The following ZNF536 variants were observed in gnomAD, a reference collection of about 807,000 sequenced individuals.
The protein encoded by ZNF536 is zinc finger protein 536.
ZNF536 carries 13 observed loss-of-function variants against 84.5 expected under a neutral mutation model. The ratio of observed to expected loss-of-function variants is 0.15; its 90% CI spans 0.10 to 0.24. The LOEUF (loss-of-function observed/expected upper bound fraction) is 0.24. Ranked by LOEUF, ZNF536 falls within the 10% of genes least tolerant of loss-of-function variation. The pLI, the probability that ZNF536 is intolerant of heterozygous loss-of-function variation, is 1.00. For missense variants in ZNF536, 1,536 were observed against 1,747.5 expected, an observed-to-expected ratio of 0.88 and a Z score of 2.16; for synonymous variants, 811 against 742.5, an observed-to-expected ratio of 1.09 and a Z score of -1.50.
At chr19:30,357,898 A>C (rs1471673256) in intron 3 of ZNF536, among the ~76,000 whole-genome samples, 1 of 152,116 alleles carries the variant, frequency 6.6e-6, no homozygotes. Flanking sequence ...TTCCTTGTAC[A>C]GACTCTGCTT....
intron 2 of ZNF536, among the ~76,000 whole-genome samples, chr19:30,484,603 C>T (rs762375893): frequency 2.0e-5 from 3 of 151,768 alleles, no homozygotes; most frequent in African/African-American, 4.8e-5. Flanking sequence ...CTTAGCCCAT[C>T]TCTGTGCAGG....
Position 30,387,606 on chromosome 19 carries a change from G to C in ZNF536, c.-3+15050G>C, listed in dbSNP as rs542170375. On this transcript the variant is annotated intron_variant, in intron 1 of 4. Coordinates refer to ENST00000355537, the MANE Select transcript of ZNF536 (RefSeq NM_014717.3). ...CACACTGACATAAGCCATGACTCTC[G>C]AAGCTGATGACACACTTGAGATAAG... is the stretch of plus-strand genomic sequence containing the variant. Among the ~76,000 whole-genome samples the C allele has an allele frequency of 2.0e-3, 309 of 152,328 alleles. 3 individuals carry two copies. The highest frequency in any genetic ancestry group is 3.5e-3 in the Non-Finnish European group (241 of 68,026).
chr19:30,709,810 T>C (rs1391682073), intron 1 of ZNF536, among the ~76,000 whole-genome samples: 1 of 152,100 alleles, frequency 6.6e-6, no homozygotes. Flanking sequence ...GTACAGACAG[T>C]CTCACCATGT....
At chr19:30,611,730 A>G (rs963420265) in intron 1 of ZNF536, among the ~76,000 whole-genome samples, 1 of 152,206 alleles carries the variant, frequency 6.6e-6, no homozygotes, top group Non-Finnish European at 1.5e-5. Flanking sequence ...AAAATGTGAT[A>G]CCCACAAAAT....
At chr19:30,308,020 A>G (rs1188416547) in intron 2 of ZNF536, among the ~76,000 whole-genome samples, 1 of 152,272 alleles carries the variant, frequency 6.6e-6, no homozygotes, top group Non-Finnish European at 1.5e-5. Flanking sequence ...TTTCTGGAAC[A>G]GAAATCTGCA....
chr19:30,706,580 C>T (rs184866391), intron 1 of ZNF536, among the ~76,000 whole-genome samples: 154 of 152,106 alleles, frequency 1.0e-3, no homozygotes, highest in African/African-American at 2.1e-3. Context: ...CCTGGTAAAC[C>T]GAGGCAGATT....
chr19:30,691,193 G>C (rs951948195), intron 1 of ZNF536, among the ~76,000 whole-genome samples: 7 of 152,092 alleles, frequency 4.6e-5, no homozygotes, highest in Non-Finnish European at 8.8e-5. Context: ...CGGCAGAGTT[G>C]AGCAGGATCT....
intron 1 of ZNF536, among the ~76,000 whole-genome samples, chr19:30,631,516 G>A (rs73031127): frequency 0.05 from 7,568 of 152,244 alleles, 291 homozygotes; most frequent in Non-Finnish European, 0.078. Context: ...TACCCCTCTG[G>A]GTCCAGCAGG....
chr19:30,592,854 C>T (rs921022370), intron 1 of ZNF536, among the ~76,000 whole-genome samples: 11 of 152,192 alleles, frequency 7.2e-5, no homozygotes, highest in Admixed American at 7.2e-4. Flanking sequence ...GCGCATTTCT[C>T]ACTTAGGTGT....
rs2146256322 is a variant in ZNF536, at chr19:30,549,423, C to T, written c.3804C>T (p.Leu1268=). 1 of 1,578,928 alleles carries T rather than the reference C, an allele frequency of 6.3e-7. No individual in the cohort carries two copies. The highest frequency in any genetic ancestry group is 8.6e-7 in the Non-Finnish European group (1 of 1,163,410). The part of the protein sequence containing the change: ...LDKPMNMLSV[L]RAYSSDGLAA... ...AGCCGATGAACATGCTGTCGGTCCT[C>T]AGGGCCTACAGTTCTGATGGCTTAG... The change falls in exon 4 of 5, where the codon CTC becomes CTT. Residue 1268 remains leucine (L), a synonymous_variant. Coordinates refer to ENST00000355537, the MANE Select transcript of ZNF536 (RefSeq NM_014717.3).
intron 1 of ZNF536, among the ~76,000 whole-genome samples, chr19:30,389,143 C>T (rs1396157961): frequency 6.6e-6 from 1 of 152,210 alleles, no homozygotes; most frequent in Non-Finnish European, 1.5e-5. Context: ...AGTGTGAGTT[C>T]ACCCAGTCCG....
At chr19:30,656,138 T>C (rs1451171992) in intron 1 of ZNF536, among the ~76,000 whole-genome samples, 1 of 152,044 alleles carries the variant, frequency 6.6e-6, no homozygotes, top group Non-Finnish European at 1.5e-5. Context: ...CAAGATGGAG[T>C]TCTAGAGTCC....
chr19:30,566,214 C>T (rs2046340755), intron 1 of ZNF536, among the ~76,000 whole-genome samples: 1 of 152,166 alleles, frequency 6.6e-6, no homozygotes, highest in African/African-American at 2.4e-5. Context: ...AAATCAGTTA[C>T]CACCGGGACG....
At position 30,363,016 on chromosome 19, in the gene ZNF536, G is replaced by T. The variant is rs549118597; in HGVS notation, c.-3+10532G>T. 1.2e-4 allele frequency among the ~76,000 whole-genome samples: 19 copies of T among 152,010 alleles called. No homozygotes were observed. In the South Asian group the frequency reaches 3.9e-3, roughly 32 times the overall value. On this transcript the variant is annotated intron_variant, in intron 3 of 5. Transcript: ENST00000585628. ...AGAGGTTCCAGTGAGCCAAGATTGT[G>T]CCACTGCACTCCAGCCTGGGCAACG...
Position 30,242,381 on chromosome 19 carries a change from G to T in ZNF536, c.-190+13708G>T, listed in dbSNP as rs148763351. 2.8e-3 allele frequency among the ~76,000 whole-genome samples: 421 copies of T among 152,254 alleles called. 4 individuals are homozygous for T. Among genetic ancestry groups the T allele is most frequent in the African/African-American group, 9.5e-3 (396 of 41,532 alleles). On this transcript the variant is annotated intron_variant, in intron 1 of 5. Transcript: ENST00000585628. ...GGTCGGCTACCCCCAGCTTTAGGGG[G>T]TATCCGTTCACAGTTATTTTTGTAT...
chr19:30,362,944 AGCTACTT>A (rs2048319591), intron 3 of ZNF536, among the ~76,000 whole-genome samples: 1 of 152,108 alleles, frequency 6.6e-6, no homozygotes, highest in South Asian at 2.1e-4. Flanking sequence ...CTGTAGTCTC[AGCTACTT>A]GGGAGGCTGA....
chr19:30,611,946 T>A (rs1194702547), intron 1 of ZNF536, among the ~76,000 whole-genome samples: 1 of 152,200 alleles, frequency 6.6e-6, no homozygotes, highest in Non-Finnish European at 1.5e-5. Flanking sequence ...CCCTGGGAGT[T>A]AGGAGTCAAG....
intron 2 of ZNF536, among the ~76,000 whole-genome samples, chr19:30,486,571 T>C: frequency 6.6e-6 from 1 of 152,218 alleles, no homozygotes; most frequent in East Asian, 1.9e-4. Flanking sequence ...TACATGTGCA[T>C]GTATCTTTAT....
chr19:30,485,485 G>A (rs1352491032), intron 2 of ZNF536, among the ~76,000 whole-genome samples: 1 of 152,102 alleles, frequency 6.6e-6, no homozygotes, highest in Non-Finnish European at 1.5e-5. Context: ...TCTCTTTCCT[G>A]TCACTATAGA....
Sources: gnomAD v4.1 joint callset for allele counts (sites outside exome capture counted in the v4.1 genomes callset) on GRCh38, gnomAD v4.1.1 for gene constraint, MANE v1.5 for transcripts, NCBI Gene and HGNC (gene_info 2026-07-23, HGNC 2026-07-21) for gene names.